Variants in NCOA5 observed in about 807,000 individuals in gnomAD.
NCOA5 encodes the protein nuclear receptor coactivator 5, also known as NCoA-5.
NCOA5 carries 12 observed loss-of-function variants against 59.0 expected under a neutral mutation model. The observed-to-expected ratio is 0.20, with a 90% CI of 0.13 to 0.33. The LOEUF is 0.33. Ranked by LOEUF, NCOA5 falls within the 10% of genes least tolerant of loss-of-function variation. The pLI, the probability that NCOA5 is intolerant of heterozygous loss-of-function variation, is 1.00. For synonymous variants in NCOA5, 270 were observed against 275.5 expected, an observed-to-expected ratio of 0.98 and a Z score of 0.20; for missense variants, 655 against 766.6, an observed-to-expected ratio of 0.85 and a Z score of 1.72.
chr20:46,086,885 G>A (rs1177428644), intron 1 of NCOA5, among the ~76,000 whole-genome samples: 1 of 152,200 alleles, frequency 6.6e-6, no homozygotes, highest in Non-Finnish European at 1.5e-5. Context: ...TATTGACATT[G>A]CACATATTTA....
intron 4 of NCOA5, among the ~76,000 whole-genome samples, chr20:46,067,858 G>T (rs1222420491): frequency 2.6e-5 from 4 of 151,932 alleles, no homozygotes; most frequent in African/African-American, 9.7e-5. Flanking sequence ...AATGCAGATA[G>T]TCAGTCATAG....
chr20:46,062,289 A>G lies in NCOA5; in HGVS notation c.*11T>C, dbSNP rs2084775018. On this transcript the variant is annotated 3_prime_UTR_variant, in exon 8 of 8. Transcript: ENST00000290231. ...GGATGAGGGGACTGGGGAGAGTTGA[A>G]AGATTTAGCTTCAGTAATGCCTCTG... 1 of 1,603,938 alleles carries G rather than the reference A, an allele frequency of 6.2e-7. No homozygotes were observed. Among genetic ancestry groups the G allele is most frequent in the East Asian group, 2.2e-5 (1 of 44,672 alleles).
chr20:46,076,085 T>TTATA (rs1192073328), intron 2 of NCOA5, among the ~76,000 whole-genome samples: 4 of 152,308 alleles, frequency 2.6e-5, no homozygotes, highest in African/African-American at 9.6e-5. Context: ...AAACAAGGTG[T>TTATA]TATAAAGGTC....
At position 46,062,861 on chromosome 20, in the gene NCOA5, C is replaced by T. The variant is rs150714168; in HGVS notation, c.1179G>A (p.Ala393=). The T allele has an allele frequency of 9.9e-6, 15 of 1,520,258 alleles. No homozygotes were observed. In the East Asian group the frequency reaches 1.1e-4, roughly 11 times the overall value. The allele number at this position is 1,520,258 out of a possible 1,614,324, so 94.2% of individuals were successfully genotyped here. A position where few individuals can be genotyped will look rare whatever the true frequency, so the allele number is the denominator to read the frequency against. The stretch of plus-strand genomic sequence containing the variant: ...GTGTCTTCAGCGAGGCACCCGAGGT[C>T]GCCCCGAGTGGTTGGCGGGAAATCG... ...PGPISRQPLG[A]TSGASLKTQP... The change falls in exon 8 of 8, where the codon GCG becomes GCA. Residue 393 remains alanine, a synonymous_variant. Transcript: ENST00000290231.
chr20:46,076,487 C>T (rs1272149249), intron 2 of NCOA5, among the ~76,000 whole-genome samples: 1 of 150,848 alleles, frequency 6.6e-6, no homozygotes, highest in Non-Finnish European at 1.5e-5. Context: ...TGTTAGTGCT[C>T]GCTATTTTGA....
intron 1 of NCOA5, 113 bp from the exon 2 acceptor site, chr20:46,079,566 T>C: frequency 1.2e-6 from 1 of 869,260 alleles, no homozygotes. Context: ...CCAGATGGTG[T>C]AAGAAAAGCC....
rs575907231 is a variant in NCOA5, at chr20:46,076,130, C to T, written c.38+3257G>A. ...TGCTTATACCAATATTCTTATTAAACGTAGAAAGCGCTAAAAATGTAGAGG... is the reference window on the plus strand; with the variant it reads ...TGCTTATACCAATATTCTTATTAAATGTAGAAAGCGCTAAAAATGTAGAGG... On this transcript the variant is annotated intron_variant, in intron 2 of 7. Transcript: ENST00000290231. 1.6e-4 allele frequency among the ~76,000 whole-genome samples: 25 copies of T among 152,234 alleles called. No homozygotes were observed. The South Asian group carries it at 2.3e-3, about 14-fold the overall frequency.
At chr20:46,064,316 G>A (rs927363445) in intron 6 of NCOA5, among the ~76,000 whole-genome samples, 1 of 152,192 alleles carries the variant, frequency 6.6e-6, no homozygotes, top group Non-Finnish European at 1.5e-5. Flanking sequence ...TAATGGGTGA[G>A]GCAAAGAGAG....
chr20:46,074,259 G>A (rs1357933659), intron 2 of NCOA5, among the ~76,000 whole-genome samples: 1 of 152,150 alleles, frequency 6.6e-6, no homozygotes, highest in Non-Finnish European at 1.5e-5. Context: ...TAACAAAAGG[G>A]CAGTAGTATG....
intron 2 of NCOA5, among the ~76,000 whole-genome samples, chr20:46,077,152 C>T (rs1424072566): frequency 1.3e-5 from 2 of 152,106 alleles, no homozygotes; most frequent in African/African-American, 4.8e-5. Context: ...TCAAGTGATC[C>T]GCCCACCTCG....
At chr20:46,085,769 G>A in intron 1 of NCOA5, among the ~76,000 whole-genome samples, 1 of 152,170 alleles carries the variant, frequency 6.6e-6, no homozygotes. Context: ...TATGGACAAG[G>A]AAGAATCTAG....
At chr20:46,063,243 G>T in intron 7 of NCOA5, 117 bp downstream of exon 7, 2 of 1,009,474 alleles carry the variant, frequency 2.0e-6, no homozygotes, top group South Asian at 1.7e-5. Context: ...CCCAAGGGAT[G>T]GACTTAGTTC....
chr20:46,081,836 G>T (rs1342141583), intron 1 of NCOA5, among the ~76,000 whole-genome samples: 1 of 151,652 alleles, frequency 6.6e-6, no homozygotes, highest in Non-Finnish European at 1.5e-5. Context: ...AGTTTTCAGT[G>T]AGAGTTGTAA....
chr20:46,086,254 T>C (rs2085044322), intron 1 of NCOA5, among the ~76,000 whole-genome samples: 1 of 152,254 alleles, frequency 6.6e-6, no homozygotes, highest in African/African-American at 2.4e-5. Context: ...CCCTGATCCT[T>C]GCCTAAAGTT....
chr20:46,063,852 G>A (rs1490687187), intron 6 of NCOA5, among the ~76,000 whole-genome samples, 172 bp from the exon 7 acceptor site: 1 of 152,168 alleles, frequency 6.6e-6, no homozygotes. Context: ...AGGCCAGGAA[G>A]GGAAGTGAAC....
chr20:46,081,335 G>C (rs558438584), intron 1 of NCOA5, among the ~76,000 whole-genome samples: 196 of 152,104 alleles, frequency 1.3e-3, no homozygotes, highest in Middle Eastern at 3.4e-3. Context: ...CATATGAAAA[G>C]GAATATTACA....
chr20:46,077,587 A>AT (rs1600629178), intron 2 of NCOA5, among the ~76,000 whole-genome samples: 1 of 152,218 alleles, frequency 6.6e-6, no homozygotes, highest in African/African-American at 2.4e-5. Flanking sequence ...ATCACCAAGT[A>AT]TCATGGAGAC....
chr20:46,072,824 T>C (rs893818874), intron 2 of NCOA5, among the ~76,000 whole-genome samples: 1 of 152,212 alleles, frequency 6.6e-6, no homozygotes, highest in Non-Finnish European at 1.5e-5. Flanking sequence ...CAAATTGACA[T>C]TACATATTTA....
chr20:46,072,806 A>T (rs1053677800), intron 2 of NCOA5, among the ~76,000 whole-genome samples: 1 of 152,164 alleles, frequency 6.6e-6, no homozygotes, highest in South Asian at 2.1e-4. Flanking sequence ...CACTTTTGTC[A>T]TTTATCACAA....
Sources: gnomAD v4.1 joint callset for allele counts (sites outside exome capture counted in the v4.1 genomes callset) on GRCh38, gnomAD v4.1.1 for gene constraint, MANE v1.5 for transcripts, NCBI Gene and HGNC (gene_info 2026-07-23, HGNC 2026-07-21) for gene names.